Variants in RBFOX1 observed in about 807,000 individuals in gnomAD.
The protein encoded by RBFOX1 is RNA binding protein fox-1 homolog 1.
Under a neutral mutation model 57.7 loss-of-function variants are expected in RBFOX1, and 8 were observed. That is an observed-to-expected ratio of 0.14 (90% confidence interval 0.08 to 0.25). The LOEUF (loss-of-function observed/expected upper bound fraction) is 0.25, where lower values mean the gene tolerates loss of function less well. RBFOX1 is among the 10% of genes least tolerant of loss of function. The pLI is 1.00. For synonymous variants in RBFOX1, 326 were observed against 222.4 expected, an observed-to-expected ratio of 1.47 and a Z score of -4.15; for missense variants, 611 against 548.5, an observed-to-expected ratio of 1.11 and a Z score of -1.14.
At chr16:6,206,792 T>G (rs2097258274) in intron 1 of RBFOX1, among the ~76,000 whole-genome samples, 1 of 152,192 alleles carries the variant, frequency 6.6e-6, no homozygotes, top group South Asian at 2.1e-4. Flanking sequence ...CCTTTTACTT[T>G]AATGGTGGGT....
intron 4 of RBFOX1, among the ~76,000 whole-genome samples, chr16:7,067,707 C>T (rs1298482206): frequency 2.3e-5 from 3 of 129,750 alleles, no homozygotes; most frequent in African/African-American, 5.7e-5. Context: ...CACAACAATC[C>T]CCAGAGTGTG....
rs560425923 is a variant in RBFOX1 at position 5,916,226 on chromosome 16, T to C, written c.351+48891T>C. ...AAACCCAGATGAAAGGATGATTTCT[T>C]CCCATCACCGTAACAGGTTGGAAAG... On this transcript the variant is annotated intron_variant, in intron 4 of 19. Transcript: ENST00000641259. Among the ~76,000 whole-genome samples, 6 of 152,276 alleles carry C rather than the reference T, an allele frequency of 3.9e-5. No individual in the cohort carries two copies. In the East Asian group the frequency reaches 1.2e-3, roughly 29 times the overall value.
intron 2 of RBFOX1, among the ~76,000 whole-genome samples, chr16:5,494,894 T>C (rs2042951573): frequency 6.6e-6 from 1 of 152,248 alleles, no homozygotes; most frequent in African/African-American, 2.4e-5. Context: ...CTTCTTTTTA[T>C]GTTCCAAACC....
intron 4 of RBFOX1, among the ~76,000 whole-genome samples, chr16:5,968,221 T>A (rs2059889524): frequency 6.6e-6 from 1 of 152,148 alleles, no homozygotes; most frequent in Admixed American, 6.6e-5. Flanking sequence ...ATTATGGGCA[T>A]GTACCACCAT....
chr16:7,308,765 G>A (rs983631385), intron 4 of RBFOX1, among the ~76,000 whole-genome samples: 3 of 152,192 alleles, frequency 2.0e-5, no homozygotes, highest in South Asian at 2.1e-4. Context: ...ATGGGCTCTC[G>A]CGCGAAGGCT....
chr16:5,639,656 C>G (rs1311417231), intron 3 of RBFOX1, among the ~76,000 whole-genome samples: 2 of 152,182 alleles, frequency 1.3e-5, no homozygotes, highest in Non-Finnish European at 2.9e-5. Flanking sequence ...TGCTGTCTCT[C>G]TCTTTCAGCC....
chr16:6,533,921 A>G (rs1449694583), intron 2 of RBFOX1, among the ~76,000 whole-genome samples: 1 of 152,204 alleles, frequency 6.6e-6, no homozygotes, highest in Admixed American at 6.5e-5. Context: ...AGACATTAAG[A>G]GAATGAAAAG....
chr16:7,454,509 A>T (rs578151902), intron 4 of RBFOX1, among the ~76,000 whole-genome samples: 1 of 152,220 alleles, frequency 6.6e-6, no homozygotes, highest in South Asian at 2.1e-4. Context: ...AGTTGAGTTT[A>T]TAAGGTCCAG....
At chr16:7,463,067 C>T (rs963831322) in intron 4 of RBFOX1, among the ~76,000 whole-genome samples, 1 of 152,200 alleles carries the variant, frequency 6.6e-6, no homozygotes, top group Non-Finnish European at 1.5e-5. Flanking sequence ...TCATTGCTCA[C>T]AGTTCTAGAT....
rs9673644 is a variant in RBFOX1, at chr16:5,245,588, A to G, written c.219+5483A>G. On this transcript the variant is annotated intron_variant, in intron 1 of 2. Coordinates refer to the RBFOX1 transcript ENST00000585867. ...GCCTCCCAAGTAGCTGGAAATGCAG[A>G]TGCGCACCACCATGCCTGACTTTTG... is the stretch of plus-strand genomic sequence containing the variant. Among the ~76,000 whole-genome samples, 1,497 of 152,234 alleles carry G rather than the reference A, an allele frequency of 9.8e-3. 32 individuals carry two copies. Among genetic ancestry groups the G allele is most frequent in the African/African-American group, 0.034 (1,427 of 41,554 alleles).
intron 4 of RBFOX1, among the ~76,000 whole-genome samples, chr16:5,979,846 G>C (rs552429018): frequency 1.2e-4 from 19 of 152,310 alleles, no homozygotes; most frequent in African/African-American, 3.1e-4. Context: ...TGGCAACAGA[G>C]TGAGACTCTG....
intron 14 of RBFOX1, among the ~76,000 whole-genome samples, chr16:7,699,667 T>G (rs2080009546): frequency 6.6e-6 from 1 of 152,202 alleles, no homozygotes; most frequent in Non-Finnish European, 1.5e-5. Flanking sequence ...AATATATCAA[T>G]AATTGTGAGT....
At chr16:7,575,197 C>T (rs1401150796) in intron 5 of RBFOX1, among the ~76,000 whole-genome samples, 2 of 151,932 alleles carry the variant, frequency 1.3e-5, no homozygotes, top group Middle Eastern at 3.2e-3. Flanking sequence ...TGCAGTGGCA[C>T]GATCTCGGCT....
intron 2 of RBFOX1, among the ~76,000 whole-genome samples, chr16:6,395,363 T>G (rs2092782671): frequency 1.3e-5 from 2 of 152,222 alleles, no homozygotes; most frequent in African/African-American, 2.4e-5. Flanking sequence ...ATACTTCTTC[T>G]TAGTCTTTTA....
intron 2 of RBFOX1, among the ~76,000 whole-genome samples, chr16:6,478,783 C>G (rs2095325257): frequency 6.6e-6 from 1 of 152,050 alleles, no homozygotes; most frequent in Non-Finnish European, 1.5e-5. Context: ...CACACACAAT[C>G]TTTATCAATT....
intron 3 of RBFOX1, among the ~76,000 whole-genome samples, chr16:5,805,856 T>G (rs2055207885): frequency 6.6e-6 from 1 of 152,090 alleles, no homozygotes; most frequent in South Asian, 2.1e-4. Flanking sequence ...CCAAACTCAG[T>G]AGGGAAGGGG....
intron 4 of RBFOX1, among the ~76,000 whole-genome samples, chr16:5,955,180 G>A (rs2059602167): frequency 9.6e-6 from 1 of 104,686 alleles, no homozygotes; most frequent in Non-Finnish European, 1.8e-5. Flanking sequence ...TTCTCAGGAG[G>A]CTGAGGCACA....
At chr16:5,347,308 C>G (rs890949221) in intron 1 of RBFOX1, among the ~76,000 whole-genome samples, 3 of 152,102 alleles carry the variant, frequency 2.0e-5, no homozygotes, top group African/African-American at 7.2e-5. Flanking sequence ...AGAAGTGTGT[C>G]TTACATACAG....
intron 1 of RBFOX1, among the ~76,000 whole-genome samples, chr16:6,039,692 G>T (rs534384128): frequency 1.3e-5 from 2 of 152,270 alleles, no homozygotes; most frequent in African/African-American, 2.4e-5. Context: ...TCTAATAAAG[G>T]TTTAAAATCT....
Sources: gnomAD v4.1 joint callset for allele counts (sites outside exome capture counted in the v4.1 genomes callset) on GRCh38, gnomAD v4.1.1 for gene constraint, MANE v1.5 for transcripts, NCBI Gene and HGNC (gene_info 2026-07-23, HGNC 2026-07-21) for gene names.